Variants in GLG1 observed in about 807,000 individuals in gnomAD.
The protein encoded by GLG1 is golgi glycoprotein 1, also known as Golgi apparatus protein 1.
GLG1 carries 38 observed loss-of-function variants against 160.5 expected under a neutral mutation model. That is an observed-to-expected ratio of 0.24 (90% CI 0.18 to 0.31). The LOEUF is 0.31. Ranked by LOEUF, GLG1 falls within the 10% of genes least tolerant of loss-of-function variation. GLG1 has a pLI of 1.00. For missense variants in GLG1, 1,373 were observed against 1,505.2 expected (o/e 0.91, Z 1.45); for synonymous variants, 644 against 543.4 (o/e 1.19, Z -2.57).
chr16:74,506,604 A>AAAAAAAAAAAAC (rs1555511216), intron 3 of GLG1, among the ~76,000 whole-genome samples: 43 of 143,030 alleles, frequency 3.0e-4, no homozygotes, highest in Non-Finnish European at 5.7e-4. Context: ...AAAAAAAAAA[A>AAAAAAAAAAAAC]CTCAAGAGAA....
At chr16:74,478,769 G>A (rs138823645) in intron 11 of GLG1, among the ~76,000 whole-genome samples, 1 of 151,208 alleles carries the variant, frequency 6.6e-6, no homozygotes, top group African/African-American at 2.4e-5. Flanking sequence ...AAAATTAGCC[G>A]GGCGTAGTGG....
At chr16:74,462,696 A>G (rs1028628473) in intron 20 of GLG1, 66 bp from the exon 21 acceptor site, 2 of 1,464,924 alleles carry the variant, frequency 1.4e-6, no homozygotes, top group Non-Finnish European at 9.6e-7. Flanking sequence ...TTAGATATCC[A>G]CCTTCCTAAA....
chr16:74,562,978 A>C (rs972944130), intron 1 of GLG1: 1 of 152,196 alleles, frequency 6.6e-6, no homozygotes, highest in Admixed American at 6.5e-5. Context: ...TTGTACACCC[A>C]TTGGAAATCT....
Position 74,494,849 on chromosome 16 carries a change from C to T in GLG1, c.979-18G>A. On this transcript the variant is annotated intron_variant, in intron 5 of 25. Transcript: ENST00000422840. ...GCTTGTGTCTATAAGATGGAACATACACATTATTATTACTTTAGCTAAATA... is the reference window on the plus strand; with the variant it reads ...GCTTGTGTCTATAAGATGGAACATATACATTATTATTACTTTAGCTAAATA... The T allele has an allele frequency of 4.1e-6, 5 of 1,211,570 alleles. No individual in the cohort carries two copies. The highest frequency in any genetic ancestry group is 6.1e-6 in the Non-Finnish European group (5 of 813,268). The allele number at this position is 1,211,570 out of a possible 1,614,324, so 75.1% of individuals were successfully genotyped here. A position where few individuals can be genotyped will look rare whatever the true frequency, so the allele number is the denominator to read the frequency against.
intron 2 of GLG1, among the ~76,000 whole-genome samples, chr16:74,515,106 T>C (rs1200816823): frequency 4.0e-5 from 6 of 151,604 alleles, no homozygotes; most frequent in African/African-American, 4.8e-5. Flanking sequence ...CTATCCTAAA[T>C]ATATATGCAC....
chr16:74,601,831 C>G (rs1219712710), intron 1 of GLG1, among the ~76,000 whole-genome samples: 1 of 152,154 alleles, frequency 6.6e-6, no homozygotes, highest in African/African-American at 2.4e-5. Context: ...GACTAATGTC[C>G]TTAGCTACAA....
At chr16:74,461,628 G>T (rs62052079) in intron 22 of GLG1, 13,632 of 152,744 alleles carry the variant, frequency 0.089, 937 homozygotes, top group South Asian at 0.34. Flanking sequence ...ACGCCACCAC[G>T]CCTGGCTAAT....
intron 1 of GLG1, among the ~76,000 whole-genome samples, chr16:74,566,305 T>C (rs2018653303): frequency 6.6e-6 from 1 of 152,196 alleles, no homozygotes; most frequent in Non-Finnish European, 1.5e-5. Flanking sequence ...ACATAAATTA[T>C]TTGTGATTCT....
In GLG1 at chr16:74,568,470, T is replaced by C. The variant is rs897404699; in HGVS notation, c.439-36317A>G. Among the ~76,000 whole-genome samples, 9 of 149,234 alleles carry C rather than the reference T, an allele frequency of 6.0e-5. No individual in the cohort carries two copies. In the Admixed American group the frequency reaches 6.1e-4, roughly 10 times the overall value. ...TCTTGCTCTTTCGCCCAGGCTGGAG[T>C]GCAATGGCATGATCTCGGCTCACTG... On this transcript the variant is annotated intron_variant, in intron 1 of 25. Coordinates refer to ENST00000422840, the MANE Select transcript of GLG1 (RefSeq NM_001145667.2).
At position 74,471,221 on chromosome 16, in the gene GLG1, C is replaced by G; in HGVS notation, c.2181G>C (p.Gln727His). The change falls in exon 15 of 26, where the codon CAG becomes CAC. Residue 727 changes from glutamine (Q) to histidine (H), a missense_variant. Physicochemically the swap from Gln to His is conservative, Grantham distance 24. Coordinates refer to ENST00000422840, the MANE Select transcript of GLG1 (RefSeq NM_001145667.2). ...LMECLIQNKH[Q>H]KDMNEKCAIG... The stretch of plus-strand genomic sequence containing the variant: ...TGGCACACTTCTCGTTCATGTCCTT[C>G]TGGTGTTTGTTCTGTATCAGACACT... The G allele has an allele frequency of 6.2e-7, 1 of 1,613,286 alleles. No homozygotes were observed. Among genetic ancestry groups the G allele is most frequent in the Non-Finnish European group, 8.5e-7 (1 of 1,179,196 alleles).
Position 74,457,862 on chromosome 16 carries a change from A to C in GLG1, c.3265+12T>G, listed in dbSNP as rs1318917761. On this transcript the variant is annotated intron_variant, in intron 24 of 25. Transcript: ENST00000422840. Reference sequence around the variant, plus strand: ...AGTTCAGACAGGATCAAGAGTGAACACAGAGACTTACGACGCCCGCGGCCA... The same window carrying C: ...AGTTCAGACAGGATCAAGAGTGAACCCAGAGACTTACGACGCCCGCGGCCA... 5 of 1,613,308 alleles carry C rather than the reference A, an allele frequency of 3.1e-6. No individual in the cohort carries two copies. The African/African-American group carries it at 5.3e-5, about 17-fold the overall frequency.
chr16:74,507,010 T>G (rs747801540), intron 3 of GLG1, among the ~76,000 whole-genome samples: 79 of 152,132 alleles, frequency 5.2e-4, no homozygotes, highest in South Asian at 8.3e-4. Context: ...GAGATTAAGT[T>G]TGGTTTGTAT....
intron 2 of GLG1, among the ~76,000 whole-genome samples, chr16:74,511,918 G>C (rs1481862591): frequency 1.3e-5 from 2 of 151,924 alleles, no homozygotes; most frequent in Admixed American, 6.6e-5. Context: ...ACATTTTACT[G>C]TATCTCATCT....
chr16:74,473,412 C>T (rs894833776), intron 13 of GLG1, among the ~76,000 whole-genome samples: 2 of 148,928 alleles, frequency 1.3e-5, no homozygotes, highest in African/African-American at 4.9e-5. Flanking sequence ...CGGGGTTTCA[C>T]CATGTTGGCC....
At chr16:74,511,585 T>TAAA (rs1172903763) in intron 2 of GLG1, among the ~76,000 whole-genome samples, 14 of 85,292 alleles carry the variant, frequency 1.6e-4, no homozygotes, top group Admixed American at 4.0e-4. Flanking sequence ...CTTTTTTTTT[T>TAAA]AAAAAAAAAA....
At chr16:74,493,404 TA>T (rs555761982) in intron 6 of GLG1, among the ~76,000 whole-genome samples, 108 of 152,354 alleles carry the variant, frequency 7.1e-4, no homozygotes, top group Non-Finnish European at 1.3e-3. Flanking sequence ...CCAAAACATG[TA>T]AATATCTCAC....
In GLG1 at chr16:74,522,453, C is replaced by T. The variant is rs537798656; in HGVS notation, c.471+9668G>A. 9.7e-4 allele frequency among the ~76,000 whole-genome samples: 147 copies of T among 152,290 alleles called. 1 individual carries two copies. The highest frequency in any genetic ancestry group is 3.5e-3 in the African/African-American group (144 of 41,570). On this transcript the variant is annotated intron_variant, in intron 2 of 25. Transcript: ENST00000422840. ...CTCACTGAGATTTTCATTTTCACGT[C>T]CCTGATTACTAAGCGAAGTTAAGCA...
chr16:74,607,062 G>T lies in GLG1; in HGVS notation c.33C>A (p.Phe11Leu). MAACGRVRRM[F>L]RLSAALHLLL... ...GCAGATGCAGCGCCGCCGACAAGCG[G>T]AACATCCTCCGTACACGTCCACACG... Residue 11 changes from phenylalanine (F) to leucine (L), a missense_variant, in exon 1 of 26, where the codon TTC becomes TTA. This residue lies in a region of GLG1 where 322 missense variants were observed against 254.6 expected (regional missense o/e 1.26). Transcript: ENST00000422840. The T allele has an allele frequency of 6.3e-7, 1 of 1,584,728 alleles. No homozygotes were observed. The highest frequency in any genetic ancestry group is 1.1e-5 in the South Asian group (1 of 88,016).
At chr16:74,522,570 C>CT (rs1037714992) in intron 2 of GLG1, among the ~76,000 whole-genome samples, 2 of 152,058 alleles carry the variant, frequency 1.3e-5, no homozygotes, top group African/African-American at 2.4e-5. Context: ...ACTGGCTTTT[C>CT]TTTGTTGCTC....
Sources: allele counts gnomAD v4.1 joint callset (sites outside exome capture counted in the v4.1 genomes callset), GRCh38; gene constraint gnomAD v4.1.1; regional missense constraint gnomAD v4.1.1; transcripts MANE v1.5; gene names NCBI Gene and HGNC (gene_info 2026-07-23, HGNC 2026-07-21).